GRM5: variants seen among roughly 807,000 people sequenced by gnomAD.
GRM5 encodes metabotropic glutamate receptor 5.
GRM5 carries 19 observed loss-of-function variants against 83.1 expected under a neutral mutation model. The observed-to-expected ratio is 0.23, with a 90% CI of 0.16 to 0.34. The LOEUF is 0.34. Ranked by LOEUF, GRM5 falls within the 10% of genes least tolerant of loss-of-function variation. The pLI is 1.00. For missense variants in GRM5, 1,160 were observed against 1,588.3 expected, an observed-to-expected ratio of 0.73 and a Z score of 4.58; for synonymous variants, 675 against 633.6, an observed-to-expected ratio of 1.07 and a Z score of -0.98.
intron 3 of GRM5, among the ~76,000 whole-genome samples, chr11:88,666,506 G>A (rs556046505): frequency 6.6e-6 from 1 of 152,294 alleles, no homozygotes; most frequent in East Asian, 1.9e-4. Flanking sequence ...GGAGCAACAA[G>A]CCATTGATGA....
chr11:88,859,881 C>A (rs1944532829), intron 2 of GRM5, among the ~76,000 whole-genome samples: 2 of 151,902 alleles, frequency 1.3e-5, no homozygotes, highest in South Asian at 4.2e-4. Context: ...TGATTCAGTC[C>A]CCATGTTGCT....
intron 3 of GRM5, among the ~76,000 whole-genome samples, chr11:88,808,113 C>A (rs576732920): frequency 1.1e-3 from 161 of 152,046 alleles, no homozygotes; most frequent in Non-Finnish European, 1.9e-3. Flanking sequence ...ATATATATTA[C>A]ATACTGGCAA....
chr11:88,736,517 C>T (rs933760288), intron 3 of GRM5, among the ~76,000 whole-genome samples: 2 of 152,004 alleles, frequency 1.3e-5, no homozygotes, highest in East Asian at 1.9e-4. Context: ...ACTAAAAAGG[C>T]TATTTTCTCA....
intron 3 of GRM5, among the ~76,000 whole-genome samples, chr11:88,834,371 ATC>A (rs1455848211): frequency 2.0e-5 from 3 of 152,214 alleles, no homozygotes; most frequent in Non-Finnish European, 4.4e-5. Context: ...AATTGAGAGA[ATC>A]TCTATAAATC....
intron 7 of GRM5, among the ~76,000 whole-genome samples, chr11:88,583,981 A>C (rs1014236190): frequency 1.3e-5 from 2 of 152,170 alleles, no homozygotes; most frequent in Non-Finnish European, 2.9e-5. Flanking sequence ...TGGTAGATTC[A>C]CATGGATTTT....
chr11:88,771,237 A>G (rs1030977291), intron 3 of GRM5, among the ~76,000 whole-genome samples: 2 of 152,098 alleles, frequency 1.3e-5, no homozygotes, highest in African/African-American at 4.8e-5. Context: ...ATATGTATAT[A>G]TGAAAGGAAG....
intron 2 of GRM5, among the ~76,000 whole-genome samples, chr11:88,859,098 T>C (rs866996692): frequency 1.3e-5 from 2 of 152,134 alleles, no homozygotes; most frequent in Middle Eastern, 6.8e-3. Context: ...AAACACTCTG[T>C]TGAAAACTAA....
At chr11:88,779,160 C>A (rs1942922339) in intron 3 of GRM5, among the ~76,000 whole-genome samples, 1 of 152,180 alleles carries the variant, frequency 6.6e-6, no homozygotes, top group Non-Finnish European at 1.5e-5. Flanking sequence ...GGTTCTTGTT[C>A]TAAAGCTTGT....
intron 4 of GRM5, among the ~76,000 whole-genome samples, chr11:88,629,275 G>T (rs149944572): frequency 0.01 from 1,533 of 152,152 alleles, 25 homozygotes; most frequent in African/African-American, 0.032. Flanking sequence ...CCATGGCAGG[G>T]CTATGCTCAG....
intron 8 of GRM5, among the ~76,000 whole-genome samples, chr11:88,566,852 T>G (rs79833744): frequency 0.013 from 1,921 of 152,214 alleles, 44 homozygotes; most frequent in African/African-American, 0.044. Flanking sequence ...GACTTCCATG[T>G]TTCTAGACTT....
intron 3 of GRM5, among the ~76,000 whole-genome samples, chr11:88,812,305 A>G (rs950732465): frequency 1.3e-5 from 2 of 152,068 alleles, no homozygotes; most frequent in African/African-American, 2.4e-5. Flanking sequence ...TTATAGTGAT[A>G]CGTCAACTGC....
intron 2 of GRM5, among the ~76,000 whole-genome samples, chr11:88,931,629 G>C (rs1312478812): frequency 6.6e-6 from 1 of 151,956 alleles, no homozygotes; most frequent in Non-Finnish European, 1.5e-5. Context: ...CCCCACACAG[G>C]GCTCTAAAAG....
At chr11:88,596,435 A>G (rs1274397141) in intron 6 of GRM5, among the ~76,000 whole-genome samples, 8 of 152,166 alleles carry the variant, frequency 5.3e-5, no homozygotes, top group Non-Finnish European at 1.5e-5. Flanking sequence ...ATTAAGTTCA[A>G]TGTATTTAGT....
At chr11:88,692,386 ATGAG>A (rs1221336339) in intron 3 of GRM5, among the ~76,000 whole-genome samples, 1 of 152,194 alleles carries the variant, frequency 6.6e-6, no homozygotes, top group Non-Finnish European at 1.5e-5. Context: ...TAATGGATGA[ATGAG>A]TGAGTAAATG....
intron 4 of GRM5, among the ~76,000 whole-genome samples, chr11:88,617,068 A>T (rs192609395): frequency 1.3e-5 from 2 of 152,346 alleles, no homozygotes; most frequent in African/African-American, 4.8e-5. Context: ...TCAGATTGTC[A>T]AGTCAGTTTA....
rs1430254176 is a variant in GRM5, at chr11:89,033,660, AAAAGCAAAAG to A, written c.661+13542_661+13551del. ...TTCCATGTATTGATAGATTGAAGGT[AAAAGCAAAAG>A]TATGTAACAGGTTTTGAAGCTAGGA... On this transcript the variant is annotated intron_variant, in intron 2 of 9. Coordinates refer to ENST00000305447, the MANE Select transcript of GRM5 (RefSeq NM_001143831.3). 2.0e-5 allele frequency among the ~76,000 whole-genome samples: 3 copies of A among 152,056 alleles called. No homozygotes were observed. The East Asian group carries it at 5.8e-4, about 29-fold the overall frequency.
intron 3 of GRM5, among the ~76,000 whole-genome samples, chr11:88,753,851 A>C (rs1942336462): frequency 6.6e-6 from 1 of 152,174 alleles, no homozygotes; most frequent in South Asian, 2.1e-4. Context: ...CAGAAGATGA[A>C]AGGCACGTCT....
intron 2 of GRM5, among the ~76,000 whole-genome samples, chr11:88,967,888 G>T: frequency 6.6e-6 from 1 of 151,986 alleles, no homozygotes; most frequent in Admixed American, 6.6e-5. Context: ...ACCTACCAAG[G>T]TCATCCATTG....
At chr11:89,032,951 T>G (rs1941296564) in intron 2 of GRM5, among the ~76,000 whole-genome samples, 1 of 152,014 alleles carries the variant, frequency 6.6e-6, no homozygotes, top group African/African-American at 2.4e-5. Flanking sequence ...AATATCTCAC[T>G]ATTTTTGCTG....
Sources: gnomAD v4.1 joint callset for allele counts (sites outside exome capture counted in the v4.1 genomes callset) on GRCh38, gnomAD v4.1.1 for gene constraint, MANE v1.5 for transcripts, NCBI Gene and HGNC (gene_info 2026-07-23, HGNC 2026-07-21) for gene names.